CHN2: variants seen among roughly 807,000 people sequenced by gnomAD.
CHN2 encodes the protein beta-chimaerin.
A neutral mutation model predicts 56.3 loss-of-function variants in CHN2; 35 were observed. The ratio of observed to expected loss-of-function variants is 0.62; its 90% CI spans 0.47 to 0.82. The LOEUF (loss-of-function observed/expected upper bound fraction) is 0.82. Among genes scored for constraint, CHN2 ranks in the 40% least tolerant of loss-of-function variants. The probability of loss-of-function intolerance (pLI) is 0.00; values close to 1 mark genes in which losing one functional copy is unlikely to be tolerated. For missense variants in CHN2, 491 were observed against 580.5 expected (o/e 0.85, Z 1.58); for synonymous variants, 210 against 212.8 (o/e 0.99, Z 0.12).
At chr7:29,221,905 A>G (rs1785834237) in intron 1 of CHN2, among the ~76,000 whole-genome samples, 1 of 152,322 alleles carries the variant, frequency 6.6e-6, no homozygotes, top group East Asian at 1.9e-4. Flanking sequence ...TGTTGTGAAT[A>G]GTGCTGCAGT....
intron 7 of CHN2, among the ~76,000 whole-genome samples, chr7:29,481,675 T>TA (rs1787256205): frequency 6.7e-6 from 1 of 150,184 alleles, no homozygotes; most frequent in South Asian, 2.1e-4. Context: ...TTTTTTTTTT[T>TA]ACTCTGTTTT....
At chr7:29,197,379 GT>G (rs1344662264) in intron 1 of CHN2, among the ~76,000 whole-genome samples, 1 of 152,186 alleles carries the variant, frequency 6.6e-6, no homozygotes, top group Non-Finnish European at 1.5e-5. Flanking sequence ...CTTGGAGTGA[GT>G]TACTTAACTT....
At chr7:29,432,428 C>G (rs1782919220) in intron 6 of CHN2, among the ~76,000 whole-genome samples, 1 of 152,190 alleles carries the variant, frequency 6.6e-6, no homozygotes, top group African/African-American at 2.4e-5. Context: ...GCTATGAACT[C>G]TACCCACTTC....
chr7:29,383,095 TTA>T (rs1800645286), intron 3 of CHN2, among the ~76,000 whole-genome samples: 1 of 152,208 alleles, frequency 6.6e-6, no homozygotes, highest in Non-Finnish European at 1.5e-5. Context: ...CAGGACTGTT[TTA>T]GACTCTAGAG....
intron 3 of CHN2, among the ~76,000 whole-genome samples, chr7:29,387,902 C>T (rs1801048834): frequency 1.3e-5 from 2 of 152,082 alleles, no homozygotes; most frequent in East Asian, 1.9e-4. Context: ...AATGAAATTC[C>T]TATTTATTCA....
chr7:29,212,892 C>A, intron 1 of CHN2: 1 of 1,610,730 alleles, frequency 6.2e-7, no homozygotes, highest in South Asian at 1.1e-5. Context: ...TGTGGAGCAA[C>A]CAGACCTGGA....
chr7:29,317,588 GC>G (rs1200264808), intron 1 of CHN2, among the ~76,000 whole-genome samples: 1 of 152,172 alleles, frequency 6.6e-6, no homozygotes, highest in Non-Finnish European at 1.5e-5. Context: ...CCCCAGAGTT[GC>G]TAAAACAGTT....
chr7:29,497,245 T>C (rs753754614), intron 8 of CHN2, among the ~76,000 whole-genome samples: 13 of 152,198 alleles, frequency 8.5e-5, no homozygotes, highest in Admixed American at 8.5e-4. Context: ...CCACAACGTA[T>C]CTCCCAGCTC....
intron 1 of CHN2, 153 bp downstream of exon 1, chr7:29,195,143 C>A: frequency 1.4e-6 from 1 of 721,482 alleles, no homozygotes; most frequent in East Asian, 3.4e-5. Flanking sequence ...GTTTGGTTCG[C>A]CAGCACCTCG....
chr7:29,507,864 G>C (rs1403476571), intron 11 of CHN2, among the ~76,000 whole-genome samples: 1 of 152,066 alleles, frequency 6.6e-6, no homozygotes, highest in Non-Finnish European at 1.5e-5. Flanking sequence ...TTACAAATTT[G>C]TGCTGGGCCA....
In CHN2 at chr7:29,339,085, G is replaced by A. The variant is rs542384061; in HGVS notation, c.50-15540G>A. On this transcript the variant is annotated intron_variant, in intron 1 of 12. Transcript: ENST00000222792. The stretch of plus-strand genomic sequence containing the variant: ...TATTTTGAACCCTCAATTACATTCT[G>A]GAAAAGTCACAGTAGACTTGAAATG... Among the ~76,000 whole-genome samples the A allele has an allele frequency of 1.3e-4, 20 of 152,160 alleles. No homozygotes were observed. The South Asian group carries it at 3.1e-3, about 24-fold the overall frequency.
intron 2 of CHN2, among the ~76,000 whole-genome samples, chr7:29,151,451 G>A (rs1457685965): frequency 6.6e-6 from 1 of 152,100 alleles, no homozygotes; most frequent in Admixed American, 6.5e-5. Flanking sequence ...ATAAGACTTC[G>A]GTGATTTAAG....
At chr7:29,328,280 A>G (rs1033677837) in intron 1 of CHN2, among the ~76,000 whole-genome samples, 2 of 152,006 alleles carry the variant, frequency 1.3e-5, no homozygotes, top group African/African-American at 4.8e-5. Context: ...CAATGTACAC[A>G]CTCATTTTAG....
intron 2 of CHN2, among the ~76,000 whole-genome samples, chr7:29,152,431 A>G (rs1356697271): frequency 6.6e-6 from 1 of 152,128 alleles, no homozygotes; most frequent in Non-Finnish European, 1.5e-5. Flanking sequence ...TTCCTGGCTA[A>G]ATCTTTCTTG....
chr7:29,211,217 C>A (rs1584747768), intron 1 of CHN2, among the ~76,000 whole-genome samples: 1 of 151,670 alleles, frequency 6.6e-6, no homozygotes, highest in African/African-American at 2.4e-5. Flanking sequence ...ACTAAAGGCG[C>A]CTGCCACCAT....
chr7:29,391,388 G>A (rs546011574), intron 3 of CHN2, among the ~76,000 whole-genome samples: 1 of 151,324 alleles, frequency 6.6e-6, no homozygotes, highest in African/African-American at 2.4e-5. Context: ...AAGGGAGGAA[G>A]GGAGGGGAGA....
At chr7:29,509,269 G>A in intron 11 of CHN2, 32 bp from the exon 12 acceptor site, 1 of 1,533,476 alleles carries the variant, frequency 6.5e-7, no homozygotes, top group Non-Finnish European at 9.0e-7. Context: ...GCCACACTCT[G>A]AACTAATACC....
chr7:29,350,454 C>A (rs1797796348), intron 1 of CHN2, among the ~76,000 whole-genome samples: 1 of 152,114 alleles, frequency 6.6e-6, no homozygotes, highest in Non-Finnish European at 1.5e-5. Context: ...TTGACCAAGG[C>A]CTCCTGACAG....
chr7:29,401,026 T>C (rs1802159191), intron 6 of CHN2, 198 bp downstream of exon 6: 1 of 586,724 alleles, frequency 1.7e-6, no homozygotes, highest in Non-Finnish European at 3.0e-6. Context: ...GTAATCTCTT[T>C]GGGAGGCCGA....
Sources: allele counts gnomAD v4.1 joint callset (sites outside exome capture counted in the v4.1 genomes callset), GRCh38; gene constraint gnomAD v4.1.1; transcripts MANE v1.5; gene names NCBI Gene and HGNC (gene_info 2026-07-23, HGNC 2026-07-21).